GPC6: variants seen among roughly 807,000 people sequenced by gnomAD.
GPC6 encodes the protein glypican-6.
A neutral mutation model predicts 55.2 loss-of-function variants in GPC6; 14 were observed. The ratio of observed to expected loss-of-function variants is 0.25; its 90% CI spans 0.17 to 0.40. The LOEUF is 0.40. GPC6 is among the 10% of genes least tolerant of loss of function. The pLI is 1.00. For synonymous variants in GPC6, 278 were observed against 259.6 expected (o/e 1.07, Z -0.68); for missense variants, 641 against 708.5 (o/e 0.90, Z 1.08).
chr13:93,597,021 A>G (rs988260433), intron 2 of GPC6, among the ~76,000 whole-genome samples: 29 of 149,702 alleles, frequency 1.9e-4, no homozygotes, highest in Admixed American at 4.6e-4. Context: ...AAAAAAAAAA[A>G]AAAAAAAAAG....
chr13:93,361,910 C>T (rs1247486604), intron 1 of GPC6, among the ~76,000 whole-genome samples: 1 of 152,192 alleles, frequency 6.6e-6, no homozygotes, highest in East Asian at 1.9e-4. Context: ...AGATTGTTCA[C>T]TTGCAGGATT....
chr13:94,307,565 G>A lies in GPC6; in HGVS notation c.1152+1442G>A, dbSNP rs935067054. Among the ~76,000 whole-genome samples the A allele has an allele frequency of 3.9e-5, 6 of 152,082 alleles. No individual in the cohort carries two copies. In the South Asian group the frequency reaches 6.2e-4, roughly 16 times the overall value. ...TGAGCTCAAGCAATCCACCTGCCTC[G>A]ACCTCCCAAAGTGCTGGGATTACAG... On this transcript the variant is annotated intron_variant, in intron 6 of 8. Transcript: ENST00000377047.
At chr13:94,320,147 T>G (rs531557652) in intron 6 of GPC6, among the ~76,000 whole-genome samples, 1 of 152,328 alleles carries the variant, frequency 6.6e-6, no homozygotes, top group South Asian at 2.1e-4. Context: ...AAACAGCTAA[T>G]TAAATTATTT....
intron 3 of GPC6, among the ~76,000 whole-genome samples, chr13:94,010,186 A>G (rs548284479): frequency 6.6e-6 from 1 of 152,288 alleles, no homozygotes; most frequent in East Asian, 1.9e-4. Context: ...GGGGGAAAAA[A>G]TGTTGAAAAA....
At chr13:93,461,046 A>G (rs541614851) in intron 1 of GPC6, among the ~76,000 whole-genome samples, 2 of 152,146 alleles carry the variant, frequency 1.3e-5, no homozygotes, top group Admixed American at 6.6e-5. Flanking sequence ...AACTTGATGA[A>G]TGAATCTTGC....
intron 3 of GPC6, among the ~76,000 whole-genome samples, chr13:94,021,536 A>G (rs1566298253): frequency 6.6e-6 from 1 of 152,064 alleles, no homozygotes; most frequent in Admixed American, 6.6e-5. Flanking sequence ...AGCCAGGTAG[A>G]TAAGTCTCTG....
At chr13:94,351,294 G>A (rs567568619) in intron 6 of GPC6, among the ~76,000 whole-genome samples, 6 of 152,062 alleles carry the variant, frequency 3.9e-5, no homozygotes, top group South Asian at 2.1e-4. Context: ...AGAGAACCAC[G>A]GTGATCCCTC....
chr13:94,345,260 A>G (rs1376654913), intron 6 of GPC6, among the ~76,000 whole-genome samples: 2 of 152,178 alleles, frequency 1.3e-5, no homozygotes, highest in Non-Finnish European at 2.9e-5. Flanking sequence ...TTAACCTGAC[A>G]CCAAGTTTTA....
intron 6 of GPC6, among the ~76,000 whole-genome samples, chr13:94,355,319 G>A (rs2012092): frequency 0.41 from 61,410 of 151,322 alleles, 12,723 homozygotes; most frequent in East Asian, 0.55. Flanking sequence ...CACGGCGCCC[G>A]GCCGTGGCTC....
intron 1 of GPC6, among the ~76,000 whole-genome samples, chr13:93,404,569 C>T (rs991784947): frequency 6.6e-6 from 1 of 152,106 alleles, no homozygotes; most frequent in Non-Finnish European, 1.5e-5. Flanking sequence ...TGGTAGATTG[C>T]TTGATTGATT....
chr13:93,361,835 C>G (rs1881052013), intron 1 of GPC6, among the ~76,000 whole-genome samples: 1 of 152,108 alleles, frequency 6.6e-6, no homozygotes, highest in African/African-American at 2.4e-5. Context: ...AAAGGAGTTT[C>G]TAGAGTCCCT....
At chr13:93,469,381 C>T (rs1879028878) in intron 1 of GPC6, among the ~76,000 whole-genome samples, 1 of 152,032 alleles carries the variant, frequency 6.6e-6, no homozygotes, top group Non-Finnish European at 1.5e-5. Flanking sequence ...AGATAAAAGT[C>T]CTTTGCTGGA....
intron 1 of GPC6, among the ~76,000 whole-genome samples, chr13:93,317,163 C>A (rs544137026): frequency 1.3e-5 from 2 of 152,012 alleles, no homozygotes; most frequent in Non-Finnish European, 2.9e-5. Flanking sequence ...TGTGGTCCTG[C>A]GTTCAGAAAT....
chr13:93,746,232 C>G (rs368960648), intron 2 of GPC6, among the ~76,000 whole-genome samples: 27 of 152,222 alleles, frequency 1.8e-4, no homozygotes, highest in South Asian at 8.3e-4. Context: ...TGTCACAATG[C>G]GAAGGTCAGT....
At chr13:93,585,951 A>G (rs1327717606) in intron 2 of GPC6, among the ~76,000 whole-genome samples, 1 of 152,000 alleles carries the variant, frequency 6.6e-6, no homozygotes, top group Non-Finnish European at 1.5e-5. Flanking sequence ...CTTATTTTTT[A>G]CTGTCAGTTT....
intron 1 of GPC6, among the ~76,000 whole-genome samples, chr13:93,543,373 C>G (rs1236706768): frequency 6.6e-6 from 1 of 152,020 alleles, no homozygotes; most frequent in East Asian, 1.9e-4. Flanking sequence ...AGGAATGAAG[C>G]CCACTTGATC....
rs16948838 is a variant in GPC6 at position 93,473,635 on chromosome 13, T to C, written c.161-71628T>C. Reference sequence around the variant, plus strand: ...CAGTTGTGCCTCCTCACAGCCTGATTTGGGGACTTCAGGTCCTCACAGGGC... The same window carrying C: ...CAGTTGTGCCTCCTCACAGCCTGATCTGGGGACTTCAGGTCCTCACAGGGC... On this transcript the variant is annotated intron_variant, in intron 1 of 8. Transcript: ENST00000377047. Among the ~76,000 whole-genome samples, 896 of 152,288 alleles carry C rather than the reference T, an allele frequency of 5.9e-3. 9 individuals are homozygous for C. Among genetic ancestry groups the C allele is most frequent in the African/African-American group, 0.021 (854 of 41,562 alleles).
chr13:94,356,626 A>G (rs747217631), intron 6 of GPC6, among the ~76,000 whole-genome samples: 13 of 152,238 alleles, frequency 8.5e-5, no homozygotes, highest in Middle Eastern at 3.2e-3. Flanking sequence ...CTAAGAGAAG[A>G]GCCATCACTC....
At chr13:94,150,238 C>T (rs1470255058) in intron 4 of GPC6, among the ~76,000 whole-genome samples, 2 of 152,082 alleles carry the variant, frequency 1.3e-5, no homozygotes, top group East Asian at 3.9e-4. Flanking sequence ...TGGAACTGGT[C>T]CACTTAATTC....
Sources: allele counts gnomAD v4.1 joint callset (sites outside exome capture counted in the v4.1 genomes callset), GRCh38; gene constraint gnomAD v4.1.1; transcripts MANE v1.5; gene names NCBI Gene and HGNC (gene_info 2026-07-23, HGNC 2026-07-21).